The following VLDLR variants were observed in gnomAD, a reference collection of about 807,000 sequenced individuals.
The protein encoded by VLDLR is very low-density lipoprotein receptor.
Under a neutral mutation model 112.7 loss-of-function variants are expected in VLDLR, and 81 were observed. The ratio of observed to expected loss-of-function variants is 0.72; its 90% confidence interval spans 0.60 to 0.86. VLDLR has a LOEUF of 0.86. Among genes scored for constraint, VLDLR ranks in the 40% least tolerant of loss-of-function variants. VLDLR has a pLI of 0.00. For synonymous variants in VLDLR, 436 were observed against 384.8 expected (o/e 1.13, Z -1.56); for missense variants, 1,237 against 1,099.4 (o/e 1.13, Z -1.77).
intron 11 of VLDLR, 37 bp downstream of exon 11, chr9:2,646,589 G>A: frequency 1.9e-6 from 3 of 1,594,292 alleles, no homozygotes; most frequent in Non-Finnish European, 2.6e-6. Context: ...CTTTGGAATG[G>A]TATCTGTGTA....
At chr9:2,625,803 GT>G (rs1209555832) in intron 1 of VLDLR, among the ~76,000 whole-genome samples, 1 of 152,232 alleles carries the variant, frequency 6.6e-6, no homozygotes, top group Non-Finnish European at 1.5e-5. Flanking sequence ...AGATATACTT[GT>G]TAAGCGGAAG....
At chr9:2,637,457 C>G (rs563155796) in intron 2 of VLDLR, among the ~76,000 whole-genome samples, 2 of 152,264 alleles carry the variant, frequency 1.3e-5, no homozygotes, top group African/African-American at 4.8e-5. Context: ...AATTCTCTTC[C>G]TCTGTAGCAC....
intron 1 of VLDLR, 61 bp downstream of exon 1, chr9:2,622,332 C>A: frequency 7.3e-7 from 1 of 1,375,680 alleles, no homozygotes; most frequent in Non-Finnish European, 9.4e-7. Context: ...CGGGAGACCC[C>A]GAGGCGTAGG....
At chr9:2,635,419 C>A (rs370802890) in intron 1 of VLDLR, 34 bp from the exon 2 acceptor site, 1 of 1,613,276 alleles carries the variant, frequency 6.2e-7, no homozygotes, top group African/African-American at 1.3e-5. Flanking sequence ...TATAACCAAT[C>A]CTTGCTTTAC....
chr9:2,626,271 C>T (rs903209287), intron 1 of VLDLR, among the ~76,000 whole-genome samples: 2 of 152,332 alleles, frequency 1.3e-5, no homozygotes, highest in Admixed American at 6.5e-5. Flanking sequence ...ACCTTATACA[C>T]ATAGCCTGAA....
chr9:2,658,083 TTC>T lies in VLDLR; in HGVS notation c.*4221_*4222del. 6.6e-6 allele frequency: 1 copy of T among 152,208 alleles called. No individual in the cohort carries two copies. Among genetic ancestry groups the T allele is most frequent in the Non-Finnish European group, 1.5e-5 (1 of 68,038 alleles). 9.4% of individuals were successfully genotyped at this position (152,208 alleles called of 1,614,324 possible). ...GAACAATGGCGTTTTTCGAACTTAT[TTC>T]TCTCTAATCCAGCCTGGAGGATTTT... On this transcript the variant is annotated 3_prime_UTR_variant, in exon 19 of 19. Transcript: ENST00000382100.
At chr9:2,635,612 TATG>T (rs774878884) in intron 2 of VLDLR, 40 bp downstream of exon 2, 30 of 1,613,504 alleles carry the variant, frequency 1.9e-5, no homozygotes, top group Non-Finnish European at 2.5e-5. Flanking sequence ...TTTGTTAAAA[TATG>T]ATGTTATCTT....
intron 1 of VLDLR, among the ~76,000 whole-genome samples, chr9:2,623,159 G>T (rs1457382838): frequency 6.6e-6 from 1 of 152,228 alleles, no homozygotes; most frequent in Admixed American, 6.5e-5. Context: ...GAGAGCGAGC[G>T]TGTGGCCCTG....
At chr9:2,628,697 A>C (rs1475388108) in intron 1 of VLDLR, among the ~76,000 whole-genome samples, 1 of 152,148 alleles carries the variant, frequency 6.6e-6, no homozygotes, top group African/African-American at 2.4e-5. Flanking sequence ...GTCAGGGAAG[A>C]ATTTGGGCTC....
rs996328755 is a variant in VLDLR, at chr9:2,654,316, A to G, written c.*448A>G. 1.2e-5 allele frequency: 2 copies of G among 172,600 alleles called. No homozygotes were observed. Among genetic ancestry groups the G allele is most frequent in the East Asian group, 1.5e-4 (1 of 6,698 alleles). The allele number at this position is 172,600 out of a possible 1,614,324, so 10.7% of individuals were successfully genotyped here. ...TTTTTCAATGGTTGGGACAATGGCA[A>G]TAGGACAAAACGGGTTACTAAGATG... On this transcript the variant is annotated 3_prime_UTR_variant, in exon 19 of 19. Transcript: ENST00000382100.
intron 11 of VLDLR, 58 bp downstream of exon 11, chr9:2,646,610 T>C: frequency 6.7e-7 from 1 of 1,483,244 alleles, no homozygotes; most frequent in Non-Finnish European, 9.4e-7. Context: ...GGTCAGGAGC[T>C]TTCTCATACC....
At position 2,643,426 on chromosome 9, in the gene VLDLR, T is replaced by C; in HGVS notation, c.715T>C (p.Cys239Arg). 6.2e-7 allele frequency: 1 copy of C among 1,614,180 alleles called. No homozygotes were observed. Among genetic ancestry groups the C allele is most frequent in the Non-Finnish European group, 8.5e-7 (1 of 1,180,028 alleles). ...CCGTCAGCCAGTCATACACACCAAG[T>C]GTCCAGCCAGCGAAATCCAGTGCGG... ...CGRQPVIHTK[C>R]PASEIQCGSG... The change falls in exon 5 of 19, where the codon TGT (cysteine) becomes CGT (arginine). Residue 239 changes from cysteine (C) to arginine (R), a missense_variant. Coordinates refer to ENST00000382100, the MANE Select transcript of VLDLR (RefSeq NM_003383.5).
chr9:2,628,517 A>T (rs1270896700), intron 1 of VLDLR, among the ~76,000 whole-genome samples: 1 of 152,212 alleles, frequency 6.6e-6, no homozygotes, highest in Non-Finnish European at 1.5e-5. Flanking sequence ...TCCTAGAGAT[A>T]GTGGTAAGCC....
At chr9:2,650,575 A>T (rs566181811) in intron 15 of VLDLR, 59 bp downstream of exon 15, 2 of 1,602,880 alleles carry the variant, frequency 1.2e-6, no homozygotes, top group African/African-American at 2.7e-5. Context: ...ATAATAAGAC[A>T]CAAGCTTGGA....
chr9:2,648,775 A>G lies in VLDLR; in HGVS notation c.2069A>G (p.Asp690Gly), dbSNP rs1563764631. The G allele has an allele frequency of 6.2e-7, 1 of 1,614,158 alleles. No individual in the cohort carries two copies. Among genetic ancestry groups the G allele is most frequent in the Non-Finnish European group, 8.5e-7 (1 of 1,180,026 alleles). Residue 690 changes from aspartate to glycine, a missense_variant, in exon 14 of 19, where the codon GAC (aspartate) becomes GGC (glycine). Asp to Gly is a moderately conservative substitution (Grantham distance 94). Coordinates refer to ENST00000382100, the MANE Select transcript of VLDLR (RefSeq NM_003383.5). ...GTCAACAACCTGAATGATGCCCAAG[A>G]CATCATTGTCTATCATGAACTTGTA... ...TLVNNLNDAQ[D>G]IIVYHELVQP...
intron 2 of VLDLR, 70 bp from the exon 3 acceptor site, chr9:2,639,789 G>A (rs1817747649): frequency 6.2e-7 from 1 of 1,609,204 alleles, no homozygotes; most frequent in African/African-American, 1.3e-5. Context: ...AATGCAGTAT[G>A]AGCCCTCATG....
intron 1 of VLDLR, 108 bp from the exon 2 acceptor site, chr9:2,635,345 C>T (rs1817554256): frequency 1.3e-6 from 2 of 1,560,218 alleles, no homozygotes; most frequent in African/African-American, 2.7e-5. Flanking sequence ...GATGTCATAG[C>T]CTGCCGAGTC....
At chr9:2,651,351 G>GA in intron 15 of VLDLR, 64 bp from the exon 16 acceptor site, 1 of 1,436,166 alleles carries the variant, frequency 7.0e-7, no homozygotes. Context: ...TGGCTTGTCT[G>GA]GACAAAACAG....
Position 2,622,023 on chromosome 9 carries a change from G to T in VLDLR, c.-167G>T, listed in dbSNP as rs1586626393. On this transcript the variant is annotated 5_prime_UTR_variant, in exon 1 of 19. Transcript: ENST00000382100. The stretch of plus-strand genomic sequence containing the variant: ...GACTGTGCAAGTTGTAGGGGAGGGG[G>T]TGCCCTCTTCTTCCCCGCTCCCTTC... 1.5e-6 allele frequency: 1 copy of T among 663,344 alleles called. No homozygotes were observed. The highest frequency in any genetic ancestry group is 2.6e-5 in the Admixed American group (1 of 38,426). 41.1% of individuals were successfully genotyped at this position (663,344 alleles called of 1,614,324 possible).
Sources: gnomAD v4.1 joint callset for allele counts (sites outside exome capture counted in the v4.1 genomes callset) on GRCh38, gnomAD v4.1.1 for gene constraint, MANE v1.5 for transcripts, NCBI Gene and HGNC (gene_info 2026-07-23, HGNC 2026-07-21) for gene names.